KCNIP4: variants seen among roughly 807,000 people sequenced by gnomAD.
KCNIP4 encodes the protein Kv channel-interacting protein 4.
A neutral mutation model predicts 34.0 loss-of-function variants in KCNIP4; 12 were observed. That is an observed-to-expected ratio of 0.35 (90% confidence interval 0.23 to 0.57). The LOEUF (loss-of-function observed/expected upper bound fraction) is 0.57, where lower values mean the gene tolerates loss of function less well. Among genes scored for constraint, KCNIP4 ranks in the 20% least tolerant of loss-of-function variants. The probability of loss-of-function intolerance (pLI) is 0.83; values close to 1 mark genes in which losing one functional copy is unlikely to be tolerated. For synonymous variants in KCNIP4, 124 were observed against 102.2 expected (o/e 1.21, Z -1.29); for missense variants, 238 against 311.7 (o/e 0.76, Z 1.78).
chr4:20,920,041 TA>T (rs1323560967), intron 1 of KCNIP4, among the ~76,000 whole-genome samples: 1 of 152,298 alleles, frequency 6.6e-6, no homozygotes, highest in Non-Finnish European at 1.5e-5. Context: ...GAGACAAGTA[TA>T]AAAAATTTAA....
chr4:21,652,347 T>G (rs1046744798), intron 1 of KCNIP4, among the ~76,000 whole-genome samples: 10 of 152,272 alleles, frequency 6.6e-5, no homozygotes, highest in Admixed American at 2.0e-4. Flanking sequence ...GCCCACCACC[T>G]CTTTTGGTAC....
At chr4:21,703,750 TA>T (rs1426522781) in intron 1 of KCNIP4, among the ~76,000 whole-genome samples, 3 of 152,074 alleles carry the variant, frequency 2.0e-5, no homozygotes, top group Non-Finnish European at 4.4e-5. Context: ...AAAGATGATT[TA>T]AATAAAACAT....
chr4:21,535,200 G>A (rs954392247), intron 1 of KCNIP4, among the ~76,000 whole-genome samples: 24 of 152,188 alleles, frequency 1.6e-4, no homozygotes, highest in Non-Finnish European at 3.2e-4. Context: ...GTTCCATTCA[G>A]TAGGCAAGTT....
rs143523709 is a variant in KCNIP4 at position 21,370,288 on chromosome 4, T to C, written c.62-487579A>G. 9.5e-5 allele frequency among the ~76,000 whole-genome samples: 14 copies of C among 147,162 alleles called. 1 individual carries two copies. In the East Asian group the frequency reaches 1.8e-3, roughly 19 times the overall value. ...AATAAATCAAACTATGTGGCCCAGT[T>C]AGAAAATATGAGGTGATTCAGTGTT... On this transcript the variant is annotated intron_variant, in intron 1 of 8. Transcript: ENST00000382152.
Position 21,912,145 on chromosome 4 carries a change from T to C in KCNIP4, c.61+36426A>G, listed in dbSNP as rs185395666. Among the ~76,000 whole-genome samples, 61 of 152,260 alleles carry C rather than the reference T, an allele frequency of 4.0e-4. 1 individual carries two copies. The highest frequency in any genetic ancestry group is 1.0e-3 in the Admixed American group (16 of 15,280). ...TTTTTTAAACTGTAATGAACACTTA[T>C]CAAATCCCTATTATGTGCTGAATAT... is the stretch of plus-strand genomic sequence containing the variant. On this transcript the variant is annotated intron_variant, in intron 1 of 8. Transcript: ENST00000382152.
At chr4:20,945,440 T>C (rs530975982) in intron 1 of KCNIP4, among the ~76,000 whole-genome samples, 2 of 152,318 alleles carry the variant, frequency 1.3e-5, no homozygotes, top group East Asian at 3.9e-4. Context: ...AACACTAAAA[T>C]GGGGACATTC....
At chr4:21,738,306 A>T (rs2109123983) in intron 1 of KCNIP4, among the ~76,000 whole-genome samples, 1 of 152,236 alleles carries the variant, frequency 6.6e-6, no homozygotes, top group Middle Eastern at 3.4e-3. Context: ...AGACAAGGAA[A>T]TGCAAGCTGT....
chr4:21,715,525 G>C (rs1424466869), intron 1 of KCNIP4, among the ~76,000 whole-genome samples: 5 of 152,110 alleles, frequency 3.3e-5, no homozygotes. Context: ...TGCCTCCTTA[G>C]TGAACTGAAC....
chr4:20,812,345 C>T (rs1490425065), intron 3 of KCNIP4, among the ~76,000 whole-genome samples: 1 of 151,958 alleles, frequency 6.6e-6, no homozygotes, highest in Admixed American at 6.6e-5. Context: ...GTGAAGAATT[C>T]GGTATTGGGA....
At chr4:21,857,895 C>T (rs1006121373) in intron 1 of KCNIP4, among the ~76,000 whole-genome samples, 2 of 152,192 alleles carry the variant, frequency 1.3e-5, no homozygotes, top group African/African-American at 4.8e-5. Context: ...CTGTGACACC[C>T]TCTTTGGGGT....
intron 1 of KCNIP4, among the ~76,000 whole-genome samples, chr4:20,889,328 G>C (rs1422415714): frequency 6.6e-6 from 1 of 152,068 alleles, no homozygotes; most frequent in Non-Finnish European, 1.5e-5. Flanking sequence ...TATAATTCTT[G>C]TACATTATTT....
At chr4:21,818,196 G>A (rs952683106) in intron 1 of KCNIP4, among the ~76,000 whole-genome samples, 4 of 152,204 alleles carry the variant, frequency 2.6e-5, no homozygotes, top group Middle Eastern at 3.4e-3. Flanking sequence ...TCAGCCGGCC[G>A]ACACTTATGG....
chr4:20,770,828 C>T (rs1755805899), intron 3 of KCNIP4, among the ~76,000 whole-genome samples: 1 of 151,672 alleles, frequency 6.6e-6, no homozygotes, highest in South Asian at 2.1e-4. Flanking sequence ...CTGGCTACTC[C>T]GGAGGCTGAG....
At chr4:21,806,130 T>C (rs1419922059) in intron 1 of KCNIP4, among the ~76,000 whole-genome samples, 1 of 152,174 alleles carries the variant, frequency 6.6e-6, no homozygotes, top group Non-Finnish European at 1.5e-5. Context: ...TACCAAAACA[T>C]TATATACTCT....
chr4:21,934,355 C>T (rs1467573323), intron 1 of KCNIP4, among the ~76,000 whole-genome samples: 1 of 151,976 alleles, frequency 6.6e-6, no homozygotes, highest in African/African-American at 2.4e-5. Flanking sequence ...ACTTTCATTG[C>T]CATCCAAACC....
chr4:20,794,051 T>G (rs1713128367), intron 3 of KCNIP4, among the ~76,000 whole-genome samples: 1 of 152,148 alleles, frequency 6.6e-6, no homozygotes, highest in Admixed American at 6.6e-5. Flanking sequence ...GCACAAAGTC[T>G]CTCTCTTTGC....
At chr4:21,309,645 G>A (rs960732272) in intron 1 of KCNIP4, among the ~76,000 whole-genome samples, 2 of 152,078 alleles carry the variant, frequency 1.3e-5, no homozygotes, top group Non-Finnish European at 2.9e-5. Context: ...AACCCTATGA[G>A]GCAGCTACTA....
At chr4:21,697,563 A>C (rs373318295) in intron 1 of KCNIP4, 1 of 1,407,420 alleles carries the variant, frequency 7.1e-7, no homozygotes, top group African/African-American at 1.5e-5. Context: ...CTGCCTTACA[A>C]CTCCTGTGGA....
chr4:21,147,401 T>A (rs1752438088), intron 1 of KCNIP4, among the ~76,000 whole-genome samples: 1 of 152,200 alleles, frequency 6.6e-6, no homozygotes, highest in Non-Finnish European at 1.5e-5. Flanking sequence ...TAAACTCTTT[T>A]CAAATTACCC....
Sources: allele counts gnomAD v4.1 joint callset (sites outside exome capture counted in the v4.1 genomes callset), GRCh38; gene constraint gnomAD v4.1.1; transcripts MANE v1.5; gene names NCBI Gene and HGNC (gene_info 2026-07-23, HGNC 2026-07-21).